AKT3: variants seen among roughly 807,000 people sequenced by gnomAD.
AKT3 encodes AKT serine/threonine kinase 3.
AKT3 carries 15 observed loss-of-function variants against 65.3 expected under a neutral mutation model. The ratio of observed to expected loss-of-function variants is 0.23; its 90% CI spans 0.15 to 0.35. AKT3 has a LOEUF of 0.35. AKT3 is among the 10% of genes least tolerant of loss of function. AKT3 has a pLI of 1.00. For missense variants in AKT3, 243 were observed against 576.5 expected (o/e 0.42, Z 5.92); for synonymous variants, 206 against 183.8 (o/e 1.12, Z -0.98).
rs570575032 is a variant in AKT3 at position 243,717,331 on chromosome 1, G to A, written c.47-21615C>T. Reference sequence around the variant, plus strand: ...CAGTGGCTTTTAAATTGTGGGTCAAGATTTTTAATTTTCAAGGACTAGGTA... The same window carrying A: ...CAGTGGCTTTTAAATTGTGGGTCAAAATTTTTAATTTTCAAGGACTAGGTA... On this transcript the variant is annotated intron_variant, in intron 2 of 13. Coordinates refer to ENST00000673466, the MANE Select transcript of AKT3 (RefSeq NM_005465.7). Among the ~76,000 whole-genome samples, 23 of 152,280 alleles carry A rather than the reference G, an allele frequency of 1.5e-4. No homozygotes were observed. The South Asian group carries it at 4.6e-3, about 30-fold the overall frequency.
At chr1:243,787,324 A>G (rs373390839) in intron 2 of AKT3, among the ~76,000 whole-genome samples, 5 of 152,306 alleles carry the variant, frequency 3.3e-5, no homozygotes, top group African/African-American at 1.2e-4. Context: ...ATTTTTTTAA[A>G]TTAACTAGAT....
At chr1:243,615,183 C>T in intron 6 of AKT3, 22 bp from the exon 7 acceptor site, 1 of 1,574,038 alleles carries the variant, frequency 6.4e-7, no homozygotes. Context: ...AAAAAGCAAA[C>T]CTTCAATATA....
chr1:243,756,901 T>C (rs957084180), intron 2 of AKT3, among the ~76,000 whole-genome samples: 2 of 152,110 alleles, frequency 1.3e-5, no homozygotes, highest in Admixed American at 6.5e-5. Flanking sequence ...CAGAATACAA[T>C]AAGAACAAAA....
chr1:243,594,904 A>C (rs555570611), intron 8 of AKT3, among the ~76,000 whole-genome samples: 2 of 152,278 alleles, frequency 1.3e-5, no homozygotes, highest in East Asian at 3.9e-4. Flanking sequence ...TCAATGAAAG[A>C]TAGTGAAAGA....
chr1:243,770,632 C>G, intron 2 of AKT3, among the ~76,000 whole-genome samples: 1 of 151,786 alleles, frequency 6.6e-6, no homozygotes, highest in East Asian at 1.9e-4. Flanking sequence ...AAATAGTATA[C>G]CACAGAATAC....
intron 2 of AKT3, among the ~76,000 whole-genome samples, chr1:243,785,804 C>T (rs1691225173): frequency 6.6e-6 from 1 of 152,208 alleles, no homozygotes; most frequent in South Asian, 2.1e-4. Context: ...AACAGCTAAA[C>T]TTTAAAATGA....
chr1:243,710,291 T>C (rs1431208115), intron 2 of AKT3, among the ~76,000 whole-genome samples: 1 of 152,174 alleles, frequency 6.6e-6, no homozygotes, highest in East Asian at 1.9e-4. Context: ...ACTTCTTTGG[T>C]ACTGTAAGTT....
intron 5 of AKT3, 126 bp downstream of exon 5, chr1:243,645,767 T>C (rs1680762660): frequency 1.1e-6 from 1 of 948,126 alleles, no homozygotes; most frequent in Non-Finnish European, 1.5e-6. Flanking sequence ...TTCATGTGAA[T>C]AAGACCCACC....
chr1:243,709,002 T>C (rs57774269), intron 2 of AKT3, among the ~76,000 whole-genome samples: 7,045 of 152,052 alleles, frequency 0.046, 219 homozygotes, highest in Middle Eastern at 0.088. Context: ...TTATCCATTC[T>C]AGAATCTAAG....
At chr1:243,846,314 C>G (rs962374517) in intron 1 of AKT3, among the ~76,000 whole-genome samples, 1 of 152,002 alleles carries the variant, frequency 6.6e-6, no homozygotes, top group African/African-American at 2.4e-5. Flanking sequence ...GGGAATCTCC[C>G]TAATTATAAA....
chr1:243,698,993 G>A (rs184877781), intron 2 of AKT3, among the ~76,000 whole-genome samples: 2 of 152,008 alleles, frequency 1.3e-5, no homozygotes, highest in East Asian at 3.9e-4. Flanking sequence ...GTTCGAAAAG[G>A]AACTGAACAC....
intron 12 of AKT3, among the ~76,000 whole-genome samples, chr1:243,523,165 G>A (rs1670827854): frequency 6.6e-6 from 1 of 151,930 alleles, no homozygotes; most frequent in Non-Finnish European, 1.5e-5. Flanking sequence ...CCCAGGTGCT[G>A]TACTAATTAA....
intron 8 of AKT3, among the ~76,000 whole-genome samples, chr1:243,586,812 C>CCT (rs1376725923): frequency 6.6e-6 from 1 of 151,624 alleles, no homozygotes; most frequent in African/African-American, 2.4e-5. Flanking sequence ...GTATGCCAAA[C>CCT]CTCAGCATCA....
chr1:243,635,380 A>C (rs1204205659), intron 6 of AKT3, among the ~76,000 whole-genome samples: 1 of 151,938 alleles, frequency 6.6e-6, no homozygotes, highest in African/African-American at 2.4e-5. Context: ...AACTAGGAAA[A>C]AAATAAATTA....
chr1:243,545,466 G>T (rs779609871), intron 12 of AKT3, 44 bp downstream of exon 12: 2 of 1,180,268 alleles, frequency 1.7e-6, no homozygotes, highest in Non-Finnish European at 2.5e-6. Flanking sequence ...CATTTTAGCA[G>T]TGCAGCCAAA....
At chr1:243,696,672 A>C (rs1008869754) in intron 2 of AKT3, among the ~76,000 whole-genome samples, 1 of 151,974 alleles carries the variant, frequency 6.6e-6, no homozygotes, top group Non-Finnish European at 1.5e-5. Flanking sequence ...ACCCAAACTC[A>C]AACCCAACAT....
At chr1:243,759,092 T>A (rs956702961) in intron 2 of AKT3, among the ~76,000 whole-genome samples, 1 of 152,094 alleles carries the variant, frequency 6.6e-6, no homozygotes, top group Non-Finnish European at 1.5e-5. Context: ...GGCAGGAGGA[T>A]CACTTGGGTC....
chr1:243,605,265 C>T (rs1364627802), intron 8 of AKT3, among the ~76,000 whole-genome samples: 2 of 151,880 alleles, frequency 1.3e-5, no homozygotes, highest in East Asian at 1.9e-4. Context: ...TGGCCTCAAG[C>T]AATCCTCCTA....
chr1:243,765,409 ACCAGCTT>A (rs1447784702), intron 2 of AKT3, among the ~76,000 whole-genome samples: 4 of 152,142 alleles, frequency 2.6e-5, no homozygotes, highest in African/African-American at 7.2e-5. Context: ...AACCATGTAA[ACCAGCTT>A]CCATCTCCAC....
Sources: allele counts gnomAD v4.1 joint callset (sites outside exome capture counted in the v4.1 genomes callset), GRCh38; gene constraint gnomAD v4.1.1; transcripts MANE v1.5; gene names NCBI Gene and HGNC (gene_info 2026-07-23, HGNC 2026-07-21).